DLGAP2: variants seen among roughly 807,000 people sequenced by gnomAD.
The protein encoded by DLGAP2 is disks large-associated protein 2.
DLGAP2 carries 26 observed loss-of-function variants against 100.3 expected under a neutral mutation model. The ratio of observed to expected loss-of-function variants is 0.26; its 90% CI spans 0.19 to 0.36. The LOEUF (loss-of-function observed/expected upper bound fraction) is 0.36, where lower values mean the gene tolerates loss of function less well. Ranked by LOEUF, DLGAP2 falls within the 10% of genes least tolerant of loss-of-function variation. The pLI, the probability that DLGAP2 is intolerant of heterozygous loss-of-function variation, is 1.00. For missense variants in DLGAP2, 1,858 were observed against 1,453.2 expected, an observed-to-expected ratio of 1.28 and a Z score of -4.53; for synonymous variants, 886 against 630.1, an observed-to-expected ratio of 1.41 and a Z score of -6.08.
intron 3 of DLGAP2, among the ~76,000 whole-genome samples, chr8:1,498,018 G>C (rs747427126): frequency 2.5e-4 from 38 of 152,176 alleles, no homozygotes; most frequent in Non-Finnish European, 3.7e-4. Flanking sequence ...TAAGCCATTG[G>C]TCACTACCTG....
chr8:1,289,154 A>G (rs1422179144), intron 3 of DLGAP2, among the ~76,000 whole-genome samples: 1 of 152,192 alleles, frequency 6.6e-6, no homozygotes, highest in Non-Finnish European at 1.5e-5. Context: ...GAGAAAGCCA[A>G]TGTCTGCATT....
intron 2 of DLGAP2, among the ~76,000 whole-genome samples, chr8:1,202,492 AG>A (rs1317274980): frequency 1.3e-5 from 2 of 152,162 alleles, no homozygotes; most frequent in Non-Finnish European, 2.9e-5. Context: ...TGTAGGAAGA[AG>A]GAGATGTCAG....
chr8:1,492,187 C>G (rs1442068946), intron 3 of DLGAP2, among the ~76,000 whole-genome samples: 2 of 152,196 alleles, frequency 1.3e-5, no homozygotes, highest in Non-Finnish European at 2.9e-5. Flanking sequence ...ACGATCATTT[C>G]TATGGTTTTC....
At chr8:859,428 A>G (rs2128989507) in intron 1 of DLGAP2, among the ~76,000 whole-genome samples, 1 of 152,238 alleles carries the variant, frequency 6.6e-6, no homozygotes, top group African/African-American at 2.4e-5. Flanking sequence ...TAGTCTTCTA[A>G]TTGGAGTTTA....
intron 3 of DLGAP2, among the ~76,000 whole-genome samples, chr8:1,280,904 C>G (rs1421845540): frequency 2.0e-5 from 3 of 152,218 alleles, no homozygotes; most frequent in Non-Finnish European, 4.4e-5. Context: ...CATGCGTATT[C>G]TGGGAACAAG....
chr8:1,389,989 C>T (rs1229439858), intron 3 of DLGAP2, among the ~76,000 whole-genome samples: 1 of 152,164 alleles, frequency 6.6e-6, no homozygotes, highest in Non-Finnish European at 1.5e-5. Context: ...ACCGCAGGCT[C>T]TCGTCTGCAC....
intron 12 of DLGAP2, among the ~76,000 whole-genome samples, chr8:1,682,556 C>G (rs980152524): frequency 2.6e-5 from 4 of 151,830 alleles, no homozygotes; most frequent in Non-Finnish European, 4.4e-5. Flanking sequence ...CTCACTGCAA[C>G]CTCAGCCTCC....
intron 3 of DLGAP2, among the ~76,000 whole-genome samples, chr8:1,385,244 A>C (rs186130509): frequency 0.032 from 1,944 of 61,070 alleles, 546 homozygotes; most frequent in South Asian, 0.074. Context: ...AACTTGGTGG[A>C]CAGTTACCCG....
intron 2 of DLGAP2, among the ~76,000 whole-genome samples, chr8:1,201,827 G>T (rs997673772): frequency 6.6e-6 from 1 of 152,080 alleles, no homozygotes; most frequent in African/African-American, 2.4e-5. Flanking sequence ...CGGTGTAGGT[G>T]CTTGTGTGTA....
intron 6 of DLGAP2, among the ~76,000 whole-genome samples, chr8:1,576,426 C>G (rs896850884): frequency 6.6e-6 from 1 of 152,138 alleles, no homozygotes; most frequent in African/African-American, 2.4e-5. Context: ...GTTGCCTGTT[C>G]GCTCTGATAG....
At chr8:1,322,402 C>G (rs1800924264) in intron 3 of DLGAP2, among the ~76,000 whole-genome samples, 1 of 152,246 alleles carries the variant, frequency 6.6e-6, no homozygotes, top group Non-Finnish European at 1.5e-5. Flanking sequence ...AATGCATGTA[C>G]CCACCCGGCG....
intron 2 of DLGAP2, among the ~76,000 whole-genome samples, chr8:1,254,252 G>C (rs1295609193): frequency 6.6e-6 from 1 of 152,170 alleles, no homozygotes; most frequent in Non-Finnish European, 1.5e-5. Flanking sequence ...CCCCTGCCCT[G>C]GGGGAACCCC....
At chr8:1,293,217 C>T (rs577899269) in intron 3 of DLGAP2, among the ~76,000 whole-genome samples, 17 of 152,336 alleles carry the variant, frequency 1.1e-4, no homozygotes, top group African/African-American at 3.8e-4. Flanking sequence ...CTGTCTCCCT[C>T]TCACACACAC....
chr8:773,743 A>G (rs1030757841), intron 1 of DLGAP2, among the ~76,000 whole-genome samples: 7 of 152,026 alleles, frequency 4.6e-5, no homozygotes, highest in African/African-American at 9.7e-5. Context: ...AATCCAGTCT[A>G]TCATTGTTGG....
intron 2 of DLGAP2, among the ~76,000 whole-genome samples, chr8:917,516 G>A (rs1436093560): frequency 6.6e-6 from 1 of 152,102 alleles, no homozygotes; most frequent in Non-Finnish European, 1.5e-5. Flanking sequence ...GGAATTACAG[G>A]TGCGAGCTAC....
chr8:874,440 T>C (rs7816371), intron 1 of DLGAP2, among the ~76,000 whole-genome samples: 49,827 of 151,968 alleles, frequency 0.33, 8,491 homozygotes, highest in Non-Finnish European at 0.36. Context: ...CTAATTTCCT[T>C]TGGGATTTGT....
chr8:1,356,155 T>G (rs1381921933), intron 3 of DLGAP2, among the ~76,000 whole-genome samples: 2 of 152,282 alleles, frequency 1.3e-5, no homozygotes, highest in East Asian at 3.9e-4. Flanking sequence ...AGCCCCTGCA[T>G]GGCTCTTGCC....
chr8:1,559,885 G>A (rs537163828), intron 5 of DLGAP2, among the ~76,000 whole-genome samples: 91 of 152,256 alleles, frequency 6.0e-4, no homozygotes, highest in Middle Eastern at 3.4e-3. Flanking sequence ...GTCCAGCTCA[G>A]ACAAAAGTAA....
At chr8:1,618,450 A>G (rs1797227556) in intron 6 of DLGAP2, among the ~76,000 whole-genome samples, 1 of 152,216 alleles carries the variant, frequency 6.6e-6, no homozygotes, top group South Asian at 2.1e-4. Flanking sequence ...TAATGTGAAG[A>G]TGTGAAATCT....
Sources: gnomAD v4.1 joint callset for allele counts (sites outside exome capture counted in the v4.1 genomes callset) on GRCh38, gnomAD v4.1.1 for gene constraint, MANE v1.5 for transcripts, NCBI Gene and HGNC (gene_info 2026-07-23, HGNC 2026-07-21) for gene names.